The following KREMEN1 variants were observed in gnomAD, a reference collection of about 807,000 sequenced individuals.
KREMEN1 encodes kremen protein 1.
KREMEN1 carries 30 observed loss-of-function variants against 46.5 expected under a neutral mutation model. The ratio of observed to expected loss-of-function variants is 0.65; its 90% CI spans 0.48 to 0.88. The LOEUF is 0.88. Ranked by LOEUF, KREMEN1 falls within the 40% of genes least tolerant of loss-of-function variation. The pLI is 0.00. For synonymous variants in KREMEN1, 214 were observed against 230.6 expected, an observed-to-expected ratio of 0.93 and a Z score of 0.65; for missense variants, 533 against 596.9, an observed-to-expected ratio of 0.89 and a Z score of 1.11.
In KREMEN1 at chr22:29,137,414, C is replaced by T. The variant is rs758212652; in HGVS notation, c.704C>T (p.Thr235Ile). The change falls in exon 6 of 9, where the codon ACC becomes ATC. Residue 235 changes from threonine (T) to isoleucine (I), a missense_variant. Coordinates refer to ENST00000400335, the MANE Select transcript of KREMEN1 (RefSeq NM_001039570.3). Reference sequence around the variant, plus strand: ...GTCTATTCCCCTGACTTCCCCGACACCTATGCCACGGGGAGGGTCTGCTAC... The same window carrying T: ...GTCTATTCCCCTGACTTCCCCGACATCTATGCCACGGGGAGGGTCTGCTAC... Reference protein sequence around the residue: ...SVVYSPDFPDTYATGRVCYWT... With the variant: ...SVVYSPDFPDIYATGRVCYWT... The T allele has an allele frequency of 1.3e-6, 2 of 1,579,496 alleles. No individual in the cohort carries two copies. The highest frequency in any genetic ancestry group is 1.7e-6 in the Non-Finnish European group (2 of 1,154,192).
intron 3 of KREMEN1, among the ~76,000 whole-genome samples, chr22:29,107,375 A>AC (rs988609628): frequency 4.0e-5 from 6 of 151,806 alleles, no homozygotes; most frequent in African/African-American, 1.2e-4. Context: ...GGTGCCCACA[A>AC]CCGTGCCCAG....
intron 5 of KREMEN1, 42 bp downstream of exon 5, chr22:29,125,458 C>T: frequency 6.3e-7 from 1 of 1,599,834 alleles, no homozygotes; most frequent in Non-Finnish European, 8.6e-7. Flanking sequence ...GGCACAGGAA[C>T]CCTTGGACCA....
At chr22:29,133,661 TTTG>T (rs1366326827) in intron 5 of KREMEN1, among the ~76,000 whole-genome samples, 1 of 151,804 alleles carries the variant, frequency 6.6e-6, no homozygotes, top group Non-Finnish European at 1.5e-5. Context: ...TTTTTTTTTG[TTTG>T]TTTTTTTTGC....
chr22:29,141,773 G>A (rs936580101), intron 8 of KREMEN1, among the ~76,000 whole-genome samples, 171 bp from the exon 9 acceptor site: 3 of 152,172 alleles, frequency 2.0e-5, no homozygotes, highest in African/African-American at 7.2e-5. Context: ...AGCCCCTGCT[G>A]CCCACAGGCC....
chr22:29,075,850 G>A (rs1417463788), intron 1 of KREMEN1, among the ~76,000 whole-genome samples: 1 of 152,070 alleles, frequency 6.6e-6, no homozygotes, highest in Non-Finnish European at 1.5e-5. Flanking sequence ...GCACAATTTT[G>A]TAATATTTAA....
chr22:29,074,361 C>T (rs1458120266), intron 1 of KREMEN1, among the ~76,000 whole-genome samples: 1 of 152,228 alleles, frequency 6.6e-6, no homozygotes, highest in Non-Finnish European at 1.5e-5. Context: ...GGGTGCAACG[C>T]CGAGCTCCGT....
chr22:29,135,998 T>C (rs1453966696), intron 5 of KREMEN1, among the ~76,000 whole-genome samples: 1 of 152,090 alleles, frequency 6.6e-6, no homozygotes, highest in Non-Finnish European at 1.5e-5. Flanking sequence ...CTCGGCTCAC[T>C]GCAACCTCCA....
intron 3 of KREMEN1, 100 bp from the exon 4 acceptor site, chr22:29,121,257 A>G: frequency 7.1e-7 from 1 of 1,405,120 alleles, no homozygotes; most frequent in Middle Eastern, 1.8e-4. Context: ...AGGAGTGGAA[A>G]TACTGGCTGA....
At chr22:29,139,991 A>G (rs780689963) in intron 7 of KREMEN1, among the ~76,000 whole-genome samples, 1 of 152,236 alleles carries the variant, frequency 6.6e-6, no homozygotes, top group Non-Finnish European at 1.5e-5. Context: ...TCCCAGTGGC[A>G]GAGACAAAAT....
intron 2 of KREMEN1, among the ~76,000 whole-genome samples, chr22:29,094,677 G>T (rs1445519169): frequency 6.8e-6 from 1 of 146,558 alleles, no homozygotes; most frequent in East Asian, 2.0e-4. Flanking sequence ...AGGCTGGAGT[G>T]CAGTGGCGCG....
intron 9 of KREMEN1, chr22:29,154,357 A>C (rs1000012115): frequency 2.0e-5 from 3 of 152,188 alleles, no homozygotes; most frequent in Non-Finnish European, 4.4e-5. Flanking sequence ...TGTTGGGTGA[A>C]AATACCCTTT....
At chr22:29,134,083 A>C (rs1252735972) in intron 5 of KREMEN1, 1 of 152,196 alleles carries the variant, frequency 6.6e-6, no homozygotes, top group Non-Finnish European at 1.5e-5. Context: ...CCCCTGTGCA[A>C]GGATGACATG....
intron 1 of KREMEN1, among the ~76,000 whole-genome samples, chr22:29,076,496 CCTG>C (rs1320735308): frequency 6.6e-6 from 1 of 152,220 alleles, no homozygotes; most frequent in African/African-American, 2.4e-5. Flanking sequence ...ACCATTTCGA[CCTG>C]CTATCAAAGA....
intron 9 of KREMEN1, among the ~76,000 whole-genome samples, chr22:29,151,959 G>A (rs775548152): frequency 3.3e-5 from 5 of 149,766 alleles, no homozygotes; most frequent in South Asian, 2.1e-4. Context: ...GCCGTGAGCC[G>A]AGATTGTGCC....
At chr22:29,092,599 C>T (rs544626466) in intron 1 of KREMEN1, among the ~76,000 whole-genome samples, 3 of 152,358 alleles carry the variant, frequency 2.0e-5, no homozygotes, top group East Asian at 3.9e-4. Context: ...TTTGTGCAGA[C>T]TCTTGGTAGA....
chr22:29,089,646 AC>A (rs1217712645), intron 1 of KREMEN1, among the ~76,000 whole-genome samples: 1 of 152,048 alleles, frequency 6.6e-6, no homozygotes, highest in Non-Finnish European at 1.5e-5. Flanking sequence ...CCTGCTCTAA[AC>A]CCTCCAGTGG....
At position 29,146,424 on chromosome 22, in the gene KREMEN1, G is replaced by C; in HGVS notation, c.*4312G>C. On this transcript the variant is annotated 3_prime_UTR_variant, in exon 9 of 9. Coordinates refer to ENST00000400335, the MANE Select transcript of KREMEN1 (RefSeq NM_001039570.3). Reference sequence around the variant, plus strand: ...AGTTGGGTACGGAGGCAGAAGTGGGGTGTGGAGGAAAGTCAGAGGGAAATC... The same window carrying C: ...AGTTGGGTACGGAGGCAGAAGTGGGCTGTGGAGGAAAGTCAGAGGGAAATC... The C allele has an allele frequency of 1.0e-6, 1 of 985,740 alleles. No individual in the cohort carries two copies. The allele number at this position is 985,740 out of a possible 1,614,324, so 61.1% of individuals were successfully genotyped here.
At chr22:29,159,916 T>C (rs1336059427) in intron 9 of KREMEN1, among the ~76,000 whole-genome samples, 1 of 152,188 alleles carries the variant, frequency 6.6e-6, no homozygotes, top group Non-Finnish European at 1.5e-5. Flanking sequence ...ACCTGGACTT[T>C]TTTTTAAAGA....
rs2038817033 is a variant in KREMEN1, at chr22:29,144,221, G to T, written c.*2109G>T. On this transcript the variant is annotated 3_prime_UTR_variant, in exon 9 of 9. Transcript: ENST00000400335. ...AAGCCCTGAGCCACTGCCTGCTGGG[G>T]CTCCTACTGAGGTTCTGGAAACACC... 13 of 985,580 alleles carry T rather than the reference G, an allele frequency of 1.3e-5. No homozygotes were observed. Among genetic ancestry groups the T allele is most frequent in the Non-Finnish European group, 1.6e-5 (13 of 830,022 alleles). The allele number at this position is 985,580 out of a possible 1,614,324, so 61.1% of individuals were successfully genotyped here.
Sources: allele counts gnomAD v4.1 joint callset (sites outside exome capture counted in the v4.1 genomes callset), GRCh38; gene constraint gnomAD v4.1.1; transcripts MANE v1.5; gene names NCBI Gene and HGNC (gene_info 2026-07-23, HGNC 2026-07-21).